The following GRXCR1 variants were observed in gnomAD, a reference collection of about 807,000 sequenced individuals.
GRXCR1 encodes glutaredoxin and cysteine rich domain containing 1.
A neutral mutation model predicts 27.3 loss-of-function variants in GRXCR1; 27 were observed. The ratio of observed to expected loss-of-function variants is 0.99; its 90% CI spans 0.73 to 1.37. GRXCR1 has a LOEUF of 1.37. Among genes scored for constraint, GRXCR1 ranks in the 40% most tolerant of loss-of-function variants. The probability of loss-of-function intolerance (pLI) is 0.00; values close to 1 mark genes in which losing one functional copy is unlikely to be tolerated. For synonymous variants in GRXCR1, 122 were observed against 131.1 expected (o/e 0.93, Z 0.47); for missense variants, 379 against 354.4 (o/e 1.07, Z -0.56).
At chr4:42,925,508 C>T (rs1023388819) in intron 1 of GRXCR1, among the ~76,000 whole-genome samples, 15 of 152,012 alleles carry the variant, frequency 9.9e-5, no homozygotes, top group South Asian at 8.3e-4. Context: ...ATTTCAGTTG[C>T]CTGCTCATTT....
intron 2 of GRXCR1, among the ~76,000 whole-genome samples, chr4:42,990,510 A>G (rs1420784259): frequency 6.6e-6 from 1 of 152,024 alleles, no homozygotes; most frequent in Non-Finnish European, 1.5e-5. Flanking sequence ...GCATGAATTT[A>G]TCTCTAAAAA....
At chr4:42,966,358 T>C (rs561242782) in intron 2 of GRXCR1, among the ~76,000 whole-genome samples, 1 of 152,132 alleles carries the variant, frequency 6.6e-6, no homozygotes, top group Admixed American at 6.6e-5. Context: ...GGGTCTCTGG[T>C]GACAGAGAGA....
chr4:42,975,739 G>A (rs192584495), intron 2 of GRXCR1, among the ~76,000 whole-genome samples: 2 of 152,158 alleles, frequency 1.3e-5, no homozygotes, highest in East Asian at 3.9e-4. Flanking sequence ...TTTGACTTTT[G>A]ACATTTGTTT....
In GRXCR1 at chr4:42,893,522, G is replaced by A. The variant is rs922370176; in HGVS notation, c.256G>A (p.Ala86Thr). 4 of 1,613,866 alleles carry A rather than the reference G, an allele frequency of 2.5e-6. No individual in the cohort carries two copies. Among genetic ancestry groups the A allele is most frequent in the Non-Finnish European group, 3.4e-6 (4 of 1,179,848 alleles). The change falls in exon 1 of 4, where the codon GCT becomes ACT. Residue 86 changes from alanine (A) to threonine (T), a missense_variant. Transcript: ENST00000399770. Reference sequence around the variant, plus strand: ...GGATAGCTTGCTGGTGTTAGCAAGGGCTGCCAGTGAGAAGGGTTTTGGTAC... The same window carrying A: ...GGATAGCTTGCTGGTGTTAGCAAGGACTGCCAGTGAGAAGGGTTTTGGTAC... ...DQDSLLVLARAASEKGFGTRR... is the reference protein window; with the variant it reads ...DQDSLLVLARTASEKGFGTRR...
At chr4:42,981,538 A>G (rs1340577338) in intron 2 of GRXCR1, among the ~76,000 whole-genome samples, 1 of 152,180 alleles carries the variant, frequency 6.6e-6, no homozygotes, top group African/African-American at 2.4e-5. Flanking sequence ...TGAGTTTTAT[A>G]CTTTCAGATG....
intron 1 of GRXCR1, among the ~76,000 whole-genome samples, chr4:42,906,438 A>G (rs1455096886): frequency 6.6e-6 from 1 of 152,228 alleles, no homozygotes; most frequent in Non-Finnish European, 1.5e-5. Flanking sequence ...CAGTGACTAC[A>G]GAGCCACAGC....
intron 1 of GRXCR1, among the ~76,000 whole-genome samples, chr4:42,901,901 A>G (rs568434871): frequency 4.2e-4 from 64 of 152,304 alleles, no homozygotes; most frequent in Non-Finnish European, 8.4e-4. Flanking sequence ...TAAATATGGC[A>G]CAATCAAAGT....
Position 42,933,631 on chromosome 4 carries a change from G to A in GRXCR1, c.385-29261G>A, listed in dbSNP as rs539861946. The stretch of plus-strand genomic sequence containing the variant: ...TGGTTTTTGGAGGTGATTAGGTCAT[G>A]AGCATGGAGCCCTCATAAATAGGAT... On this transcript the variant is annotated intron_variant, in intron 1 of 3. Coordinates refer to ENST00000399770, the MANE Select transcript of GRXCR1 (RefSeq NM_001080476.3). Among the ~76,000 whole-genome samples the A allele has an allele frequency of 7.9e-5, 12 of 152,048 alleles. No homozygotes were observed. The South Asian group carries it at 2.5e-3, about 32-fold the overall frequency.
At chr4:42,918,175 A>T (rs920731492) in intron 1 of GRXCR1, among the ~76,000 whole-genome samples, 5 of 152,090 alleles carry the variant, frequency 3.3e-5, no homozygotes, top group Non-Finnish European at 7.4e-5. Flanking sequence ...TGCTTCCAAT[A>T]TGGCACCTCA....
At chr4:42,929,692 T>C (rs1050154758) in intron 1 of GRXCR1, among the ~76,000 whole-genome samples, 4 of 151,858 alleles carry the variant, frequency 2.6e-5, no homozygotes, top group African/African-American at 9.7e-5. Flanking sequence ...CCTCTCAAAA[T>C]GGGTCTAATT....
intron 3 of GRXCR1, among the ~76,000 whole-genome samples, chr4:43,026,357 A>G (rs187107623): frequency 3.0e-4 from 46 of 152,358 alleles, no homozygotes; most frequent in Middle Eastern, 3.4e-3. Context: ...GCATGACTAA[A>G]TTATTTATTC....
chr4:42,991,271 A>G (rs967452818), intron 2 of GRXCR1, among the ~76,000 whole-genome samples: 1 of 152,036 alleles, frequency 6.6e-6, no homozygotes, highest in African/African-American at 2.4e-5. Context: ...ATTGGATTTT[A>G]TATATTTGGC....
intron 1 of GRXCR1, among the ~76,000 whole-genome samples, chr4:42,946,635 C>T (rs1747750071): frequency 6.6e-6 from 1 of 152,122 alleles, no homozygotes. Context: ...GCTTTTTCCT[C>T]ATAGATGGGA....
intron 2 of GRXCR1, among the ~76,000 whole-genome samples, chr4:43,011,528 T>C (rs1375840607): frequency 6.6e-6 from 1 of 152,172 alleles, no homozygotes; most frequent in Non-Finnish European, 1.5e-5. Flanking sequence ...GAGCTTCTCA[T>C]TGTTGACAGC....
chr4:42,909,263 A>G (rs1746664524), intron 1 of GRXCR1, among the ~76,000 whole-genome samples: 1 of 152,146 alleles, frequency 6.6e-6, no homozygotes, highest in Non-Finnish European at 1.5e-5. Context: ...ACATACAGAA[A>G]ATAAGTTATT....
chr4:42,970,203 G>A (rs1415113319), intron 2 of GRXCR1, among the ~76,000 whole-genome samples: 2 of 152,136 alleles, frequency 1.3e-5, no homozygotes, highest in African/African-American at 2.4e-5. Flanking sequence ...TTCATGGGCT[G>A]GTATTGAGTG....
chr4:42,910,168 C>T (rs1285314088), intron 1 of GRXCR1, among the ~76,000 whole-genome samples: 7 of 152,138 alleles, frequency 4.6e-5, no homozygotes, highest in Non-Finnish European at 8.8e-5. Flanking sequence ...CGAGAACTCA[C>T]TATCACCAGA....
Position 42,983,240 on chromosome 4 carries a change from T to A in GRXCR1, c.627+20106T>A, listed in dbSNP as rs1315367044. 7.4e-5 allele frequency among the ~76,000 whole-genome samples: 11 copies of A among 149,510 alleles called. No individual in the cohort carries two copies. In the East Asian group the frequency reaches 2.1e-3, roughly 29 times the overall value. On this transcript the variant is annotated intron_variant, in intron 2 of 3. Coordinates refer to ENST00000399770, the MANE Select transcript of GRXCR1 (RefSeq NM_001080476.3). ...CTTGAATTGATTTTTGTATAAGGTG[T>A]AAGGAAGGGATCCAGTTTCAGCTTT... is the stretch of plus-strand genomic sequence containing the variant.
intron 1 of GRXCR1, among the ~76,000 whole-genome samples, chr4:42,918,636 T>G (rs1212844764): frequency 6.6e-6 from 1 of 152,158 alleles, no homozygotes; most frequent in Admixed American, 6.5e-5. Flanking sequence ...ATTAATTTTG[T>G]AACAAATTCC....
Sources: gnomAD v4.1 joint callset for allele counts (sites outside exome capture counted in the v4.1 genomes callset) on GRCh38, gnomAD v4.1.1 for gene constraint, MANE v1.5 for transcripts, NCBI Gene and HGNC (gene_info 2026-07-23, HGNC 2026-07-21) for gene names.